The following OSBPL10 variants were observed in gnomAD, a reference collection of about 807,000 sequenced individuals.
OSBPL10 encodes the protein oxysterol-binding protein-related protein 10.
OSBPL10 carries 49 observed loss-of-function variants against 81.7 expected under a neutral mutation model. The ratio of observed to expected loss-of-function variants is 0.60; its 90% CI spans 0.48 to 0.76. OSBPL10 has a LOEUF of 0.76. Among genes scored for constraint, OSBPL10 ranks in the 30% least tolerant of loss-of-function variants. The pLI, the probability that OSBPL10 is intolerant of heterozygous loss-of-function variation, is 0.00. For missense variants in OSBPL10, 923 were observed against 987.8 expected, an observed-to-expected ratio of 0.93 and a Z score of 0.88; for synonymous variants, 419 against 383.6, an observed-to-expected ratio of 1.09 and a Z score of -1.08.
chr3:31,733,440 G>C, intron 5 of OSBPL10, 29 bp from the exon 6 acceptor site: 2 of 1,613,832 alleles, frequency 1.2e-6, no homozygotes, highest in Non-Finnish European at 1.7e-6. Context: ...ATGATGCCAA[G>C]TATTTTCCAA....
intron 1 of OSBPL10, among the ~76,000 whole-genome samples, chr3:32,050,307 T>C (rs1230624517): frequency 6.6e-6 from 1 of 152,248 alleles, no homozygotes; most frequent in Non-Finnish European, 1.5e-5. Flanking sequence ...TAGCTAAGGC[T>C]TTCTTTTCAC....
chr3:31,849,082 T>A (rs1429800951), intron 3 of OSBPL10, among the ~76,000 whole-genome samples: 2 of 152,206 alleles, frequency 1.3e-5, no homozygotes, highest in African/African-American at 4.8e-5. Context: ...AAGATGCCTT[T>A]CATCTTCTGC....
At chr3:32,029,564 A>G (rs192659406) in intron 2 of OSBPL10, among the ~76,000 whole-genome samples, 9 of 152,312 alleles carry the variant, frequency 5.9e-5, no homozygotes, top group African/African-American at 2.2e-4. Context: ...CAATATGAGC[A>G]AGGCAAACCC....
At chr3:31,697,570 CA>C (rs1320046237) in intron 7 of OSBPL10, among the ~76,000 whole-genome samples, 1 of 152,028 alleles carries the variant, frequency 6.6e-6, no homozygotes, top group African/African-American at 2.4e-5. Context: ...AAATAAAAAA[CA>C]ATAAAACGAA....
intron 1 of OSBPL10, among the ~76,000 whole-genome samples, chr3:32,057,438 G>A (rs949741563): frequency 3.9e-5 from 6 of 152,152 alleles, no homozygotes; most frequent in Non-Finnish European, 8.8e-5. Flanking sequence ...CTGAGACTGG[G>A]TAATTTATAA....
chr3:31,687,666 T>C (rs1700826421), intron 7 of OSBPL10, among the ~76,000 whole-genome samples: 1 of 152,012 alleles, frequency 6.6e-6, no homozygotes, highest in African/African-American at 2.4e-5. Flanking sequence ...TCCCTGCCAT[T>C]ACCCCATGAC....
intron 1 of OSBPL10, among the ~76,000 whole-genome samples, chr3:31,978,182 G>A (rs1346303268): frequency 1.3e-5 from 2 of 152,204 alleles, no homozygotes; most frequent in African/African-American, 4.8e-5. Flanking sequence ...TTGCACAGCA[G>A]CCTGAGAGGA....
At position 31,683,883 on chromosome 3, in the gene OSBPL10, C is replaced by T. The variant is rs779988055; in HGVS notation, c.1477G>A (p.Val493Ile). 9.3e-6 allele frequency: 15 copies of T among 1,614,106 alleles called. No homozygotes were observed. Among genetic ancestry groups the T allele is most frequent in the African/African-American group, 2.7e-5 (2 of 74,944 alleles). Residue 493 changes from valine (V) to isoleucine (I), a missense_variant, in exon 8 of 12, where the codon GTT becomes ATT. Physicochemically the swap from Val to Ile is conservative, Grantham distance 29. Coordinates refer to ENST00000396556, the MANE Select transcript of OSBPL10 (RefSeq NM_017784.5). ...IGETFHCSWEVPKDRVKPKRT... is the reference protein window; with the variant it reads ...IGETFHCSWEIPKDRVKPKRT... ...TTAGGCTTGACCCTGTCCTTGGGAA[C>T]TTCCCAGGAGCAGTGAAATGTCTCG...
chr3:31,978,642 C>T (rs139527076), intron 1 of OSBPL10, among the ~76,000 whole-genome samples: 112 of 152,238 alleles, frequency 7.4e-4, no homozygotes, highest in African/African-American at 2.4e-3. Flanking sequence ...CAATTACAGA[C>T]GATGCTTATG....
At chr3:32,009,230 G>A (rs951191087) in intron 2 of OSBPL10, among the ~76,000 whole-genome samples, 2 of 152,206 alleles carry the variant, frequency 1.3e-5, no homozygotes, top group African/African-American at 4.8e-5. Flanking sequence ...CCAAGGCCCT[G>A]TGAAGGTCTG....
intron 3 of OSBPL10, among the ~76,000 whole-genome samples, chr3:31,833,881 C>T (rs1477014248): frequency 6.6e-6 from 1 of 152,136 alleles, no homozygotes; most frequent in Non-Finnish European, 1.5e-5. Flanking sequence ...CAAAATTATT[C>T]CACGGTGGAT....
chr3:31,968,986 TTGTTC>T (rs912220176), intron 1 of OSBPL10, among the ~76,000 whole-genome samples: 13 of 152,344 alleles, frequency 8.5e-5, no homozygotes, highest in African/African-American at 1.4e-4. Flanking sequence ...AAATGGGTTT[TTGTTC>T]TGTTAAACTT....
upstream of OSBPL10, among the ~76,000 whole-genome samples, chr3:31,985,340 T>A (rs534682981): frequency 3.3e-5 from 5 of 152,244 alleles, no homozygotes; most frequent in East Asian, 3.9e-4. Flanking sequence ...TTAGAAAAAA[T>A]TTTAAACGTA....
chr3:31,699,651 C>T (rs1695834345), intron 7 of OSBPL10, among the ~76,000 whole-genome samples: 1 of 152,188 alleles, frequency 6.6e-6, no homozygotes, highest in Non-Finnish European at 1.5e-5. Flanking sequence ...AAGCATGGAG[C>T]CCTTCTGAGC....
intron 3 of OSBPL10, among the ~76,000 whole-genome samples, chr3:31,852,483 A>G (rs567189767): frequency 1.0e-3 from 152 of 152,268 alleles, no homozygotes; most frequent in Non-Finnish European, 1.5e-3. Context: ...TATGAACGAC[A>G]GTGCACTATT....
chr3:31,743,914 C>T (rs1364519372), intron 5 of OSBPL10, among the ~76,000 whole-genome samples: 1 of 152,178 alleles, frequency 6.6e-6, no homozygotes, highest in Non-Finnish European at 1.5e-5. Flanking sequence ...CCCTGAGAGC[C>T]CCAAGTGTCT....
intron 1 of OSBPL10, among the ~76,000 whole-genome samples, chr3:31,965,845 T>TCTATTTATATAATATATATTAG (rs1698373324): frequency 1.2e-5 from 1 of 84,498 alleles, no homozygotes. Context: ...ATATATATTA[T>TCTATTTATATAATATATATTAG]ATAAAAAGAT....
In OSBPL10 at chr3:31,766,153, G is replaced by A. The variant is rs1698187211; in HGVS notation, c.730-18033C>T. Among the ~76,000 whole-genome samples the A allele has an allele frequency of 2.0e-5, 3 of 152,074 alleles. No homozygotes were observed. In the South Asian group the frequency reaches 6.2e-4, roughly 32 times the overall value. ...CTTCTCCTAATTCAGATGAGAGAAAGTGAGTTTACGTTATTGGCTCTGGGT... is the reference window on the plus strand; with the variant it reads ...CTTCTCCTAATTCAGATGAGAGAAAATGAGTTTACGTTATTGGCTCTGGGT... On this transcript the variant is annotated intron_variant, in intron 4 of 11. Coordinates refer to ENST00000396556, the MANE Select transcript of OSBPL10 (RefSeq NM_017784.5).
At chr3:31,733,696 T>G (rs942569618) in intron 5 of OSBPL10, among the ~76,000 whole-genome samples, 12 of 149,814 alleles carry the variant, frequency 8.0e-5, no homozygotes, top group East Asian at 2.0e-4. Flanking sequence ...TTTTTTTTTT[T>G]TTTTTTTTTT....
Sources: allele counts gnomAD v4.1 joint callset (sites outside exome capture counted in the v4.1 genomes callset), GRCh38; gene constraint gnomAD v4.1.1; transcripts MANE v1.5; gene names NCBI Gene and HGNC (gene_info 2026-07-23, HGNC 2026-07-21).